Variants in BCL2L13 observed in about 807,000 individuals in gnomAD.
The protein encoded by BCL2L13 is BCL2 like 13, also known as bcl-2-like protein 13.
BCL2L13 carries 13 observed loss-of-function variants against 25.8 expected under a neutral mutation model. That is an observed-to-expected ratio of 0.50 (90% confidence interval 0.33 to 0.80). The LOEUF (loss-of-function observed/expected upper bound fraction) is 0.80, where lower values mean the gene tolerates loss of function less well. BCL2L13 is among the 30% of genes least tolerant of loss of function. BCL2L13 has a pLI of 0.02. For missense variants in BCL2L13, 504 were observed against 574.9 expected (o/e 0.88, Z 1.26); for synonymous variants, 244 against 230.3 (o/e 1.06, Z -0.54).
rs2061333404 is a variant in BCL2L13, at chr22:17,727,613, C to G, written c.*79C>G. The G allele has an allele frequency of 1.3e-6, 2 of 1,560,982 alleles. No individual in the cohort carries two copies. Among genetic ancestry groups the G allele is most frequent in the East Asian group, 2.3e-5 (1 of 44,408 alleles). The stretch of plus-strand genomic sequence containing the variant: ...TGGAATTTGAACCTCCAGCAGCTGT[C>G]TGGACATTTGTGGAACACTCTGGGA... On this transcript the variant is annotated 3_prime_UTR_variant, in exon 7 of 7. Transcript: ENST00000317582.
At chr22:17,675,340 A>G (rs1038574514) in intron 2 of BCL2L13, among the ~76,000 whole-genome samples, 3 of 152,158 alleles carry the variant, frequency 2.0e-5, no homozygotes, top group Admixed American at 1.3e-4. Context: ...CATGAGGTCT[A>G]CAATTCAAAC....
At chr22:17,636,063 C>T (rs1466453808), upstream of BCL2L13, among the ~76,000 whole-genome samples, 1 of 149,382 alleles carries the variant, frequency 6.7e-6, no homozygotes, top group East Asian at 2.0e-4. Context: ...GTGGCTCACG[C>T]CTGTAATCCC....
chr22:17,692,674 T>C (rs1410918922), intron 4 of BCL2L13, among the ~76,000 whole-genome samples: 1 of 152,212 alleles, frequency 6.6e-6, no homozygotes. Context: ...TCAGCATCAC[T>C]GTAGTATTGA....
At chr22:17,647,801 C>G (rs188352607) in intron 1 of BCL2L13, among the ~76,000 whole-genome samples, 1 of 152,084 alleles carries the variant, frequency 6.6e-6, no homozygotes, top group African/African-American at 2.4e-5. Context: ...ACAGATGTCA[C>G]GAAGATGTAA....
chr22:17,697,631 A>G (rs73378746), intron 5 of BCL2L13, among the ~76,000 whole-genome samples: 7,978 of 152,238 alleles, frequency 0.052, 347 homozygotes, highest in African/African-American at 0.12. Context: ...ATCAGGCACC[A>G]TAGTAAAGCT....
chr22:17,667,535 G>T (rs921762212), intron 2 of BCL2L13, among the ~76,000 whole-genome samples: 6 of 151,342 alleles, frequency 4.0e-5, no homozygotes, highest in African/African-American at 1.5e-4. Context: ...TTGAGACAGA[G>T]TCTATCTCTG....
chr22:17,653,038 C>A (rs1014784899), intron 1 of BCL2L13, among the ~76,000 whole-genome samples: 1 of 151,966 alleles, frequency 6.6e-6, no homozygotes, highest in African/African-American at 2.4e-5. Context: ...GCACTCCAGC[C>A]TGGGGGACAG....
chr22:17,697,328 C>T (rs1359056034), intron 5 of BCL2L13, among the ~76,000 whole-genome samples: 1 of 152,082 alleles, frequency 6.6e-6, no homozygotes, highest in Non-Finnish European at 1.5e-5. Flanking sequence ...GTCTCAGCTA[C>T]TCAGGAGGCT....
chr22:17,634,969 A>AT (rs1405099632), upstream of BCL2L13, among the ~76,000 whole-genome samples: 1 of 151,992 alleles, frequency 6.6e-6, no homozygotes, highest in Non-Finnish European at 1.5e-5. Context: ...GGAAAAAAAA[A>AT]AAAAAAGCAA....
intron 6 of BCL2L13, 137 bp downstream of exon 6, chr22:17,702,523 G>A (rs182649358): frequency 1.2e-5 from 10 of 814,008 alleles, no homozygotes; most frequent in African/African-American, 3.6e-5. Context: ...GGCAGGCTTC[G>A]GTCTCAAACT....
At chr22:17,701,503 CT>C (rs1436476435) in intron 5 of BCL2L13, among the ~76,000 whole-genome samples, 10 of 152,026 alleles carry the variant, frequency 6.6e-5, no homozygotes, top group Admixed American at 1.3e-4. Flanking sequence ...TATAACTTGC[CT>C]TTTTTCACTT....
chr22:17,693,366 GTGTTTGTTTTT>G (rs1568981673), intron 4 of BCL2L13, among the ~76,000 whole-genome samples: 3 of 58,642 alleles, frequency 5.1e-5, no homozygotes, highest in African/African-American at 2.2e-4. Flanking sequence ...TATTTATTTA[GTGTTTGTTTTT>G]TTTTTTTTTT....
intron 2 of BCL2L13, among the ~76,000 whole-genome samples, chr22:17,673,247 A>G (rs1304410279): frequency 6.6e-6 from 1 of 152,046 alleles, no homozygotes; most frequent in Non-Finnish European, 1.5e-5. Flanking sequence ...AGTTCTCAGT[A>G]TCTCCATCGT....
chr22:17,653,988 A>G (rs972164001), intron 1 of BCL2L13, among the ~76,000 whole-genome samples: 1 of 152,004 alleles, frequency 6.6e-6, no homozygotes, highest in African/African-American at 2.4e-5. Context: ...AAAACTCCTG[A>G]GGTCTGGTGA....
chr22:17,727,568 A>AC lies in BCL2L13; in HGVS notation c.*34_*35insC. On this transcript the variant is annotated 3_prime_UTR_variant, in exon 7 of 7. Transcript: ENST00000317582. ...TCAGAAGAGAAAGACAGAAGGATGT[A>AC]AGGTTGGAGTTGTATTGGCTGGAAT... 6.2e-7 allele frequency: 1 copy of AC among 1,608,716 alleles called. No homozygotes were observed. The highest frequency in any genetic ancestry group is 8.5e-7 in the Non-Finnish European group (1 of 1,177,124).
intron 6 of BCL2L13, among the ~76,000 whole-genome samples, chr22:17,722,505 G>A (rs527733674): frequency 1.9e-4 from 29 of 151,996 alleles, no homozygotes; most frequent in Middle Eastern, 3.4e-3. Flanking sequence ...GCTTCCCAAA[G>A]TGCTGGGATT....
At chr22:17,670,334 G>A (rs535815268) in intron 2 of BCL2L13, among the ~76,000 whole-genome samples, 1 of 148,760 alleles carries the variant, frequency 6.7e-6, no homozygotes. Flanking sequence ...TTACATTAAT[G>A]TGTAGATCAA....
upstream of BCL2L13, among the ~76,000 whole-genome samples, chr22:17,636,798 AAAT>A (rs2058115375): frequency 1.3e-5 from 2 of 152,088 alleles, no homozygotes; most frequent in African/African-American, 4.8e-5. Context: ...TGTCTCGAGA[AAAT>A]AATAATAAAA....
chr22:17,634,780 C>CA (rs1212081895), upstream of BCL2L13, among the ~76,000 whole-genome samples: 5 of 149,642 alleles, frequency 3.3e-5, no homozygotes, highest in South Asian at 2.1e-4. Flanking sequence ...CCTGCCTCTA[C>CA]AAAAAAAAAT....
Sources: gnomAD v4.1 joint callset for allele counts (sites outside exome capture counted in the v4.1 genomes callset) on GRCh38, gnomAD v4.1.1 for gene constraint, MANE v1.5 for transcripts, NCBI Gene and HGNC (gene_info 2026-07-23, HGNC 2026-07-21) for gene names.